KCTD8: variants seen among roughly 807,000 people sequenced by gnomAD.
KCTD8 encodes potassium channel tetramerization domain containing 8, also known as BTB/POZ domain-containing protein KCTD8.
KCTD8 carries 27 observed loss-of-function variants against 31.5 expected under a neutral mutation model. That is an observed-to-expected ratio of 0.86 (90% CI 0.63 to 1.18). The LOEUF (loss-of-function observed/expected upper bound fraction) is 1.18. KCTD8 is among the 50% of genes most tolerant of loss of function. KCTD8 has a pLI of 0.00. For synonymous variants in KCTD8, 290 were observed against 280.0 expected, an observed-to-expected ratio of 1.04 and a Z score of -0.36; for missense variants, 658 against 647.7, an observed-to-expected ratio of 1.02 and a Z score of -0.17.
At chr4:44,427,117 G>T (rs1721368184) in intron 1 of KCTD8, among the ~76,000 whole-genome samples, 1 of 151,374 alleles carries the variant, frequency 6.6e-6, no homozygotes, top group Non-Finnish European at 1.5e-5. Flanking sequence ...GATTACAAAA[G>T]AAGTGCATTC....
intron 1 of KCTD8, among the ~76,000 whole-genome samples, chr4:44,399,916 A>G (rs1720602914): frequency 6.6e-6 from 1 of 152,320 alleles, no homozygotes; most frequent in Non-Finnish European, 1.5e-5. Context: ...AGCCAAATCT[A>G]TCACATTTTC....
intron 1 of KCTD8, among the ~76,000 whole-genome samples, chr4:44,348,335 C>T (rs1719087725): frequency 6.6e-6 from 1 of 152,062 alleles, no homozygotes; most frequent in East Asian, 1.9e-4. Flanking sequence ...TAACATCGAT[C>T]TGAAAGTCCA....
intron 1 of KCTD8, among the ~76,000 whole-genome samples, chr4:44,271,814 G>C (rs950921375): frequency 6.6e-6 from 1 of 152,000 alleles, no homozygotes; most frequent in African/African-American, 2.4e-5. Flanking sequence ...GTTTATCACT[G>C]GCTTGCTGTC....
At chr4:44,200,701 T>C (rs944624191) in intron 1 of KCTD8, among the ~76,000 whole-genome samples, 1 of 152,038 alleles carries the variant, frequency 6.6e-6, no homozygotes, top group African/African-American at 2.4e-5. Flanking sequence ...ATGAACATCA[T>C]ACTGAACAGG....
intron 1 of KCTD8, among the ~76,000 whole-genome samples, chr4:44,388,010 AT>A (rs1720266690): frequency 8.3e-6 from 1 of 119,922 alleles, no homozygotes; most frequent in East Asian, 2.3e-4. Flanking sequence ...ACTTAAACAA[AT>A]TTACAAAAAA....
At chr4:44,252,673 T>C (rs912066981) in intron 1 of KCTD8, among the ~76,000 whole-genome samples, 3 of 151,814 alleles carry the variant, frequency 2.0e-5, no homozygotes, top group African/African-American at 7.2e-5. Context: ...TAAACTATTC[T>C]TTCTTTCCTG....
chr4:44,402,503 G>A (rs200949068), intron 1 of KCTD8, among the ~76,000 whole-genome samples: 36 of 152,150 alleles, frequency 2.4e-4, no homozygotes, highest in South Asian at 2.1e-4. Context: ...ACAAGTCTAC[G>A]GTAGTGCCCC....
intron 1 of KCTD8, among the ~76,000 whole-genome samples, chr4:44,262,704 C>T (rs998772777): frequency 2.6e-5 from 4 of 151,938 alleles, no homozygotes; most frequent in Non-Finnish European, 4.4e-5. Context: ...AATTAATTTC[C>T]AAAATGGTTA....
chr4:44,447,599 TGTC>T lies in KCTD8; in HGVS notation c.922_924del (p.Asp308del). On this transcript the variant is annotated inframe_deletion, in exon 1 of 2. Transcript: ENST00000360029. ...TACTCGGTGTAGCTGCTCCAGATCT[TGTC>T]GTCGCGGTACTGGTTGACGAAGGCG... 6.3e-7 allele frequency: 1 copy of T among 1,599,902 alleles called. No individual in the cohort carries two copies.
At chr4:44,436,508 GAAAT>G (rs938601404) in intron 1 of KCTD8, among the ~76,000 whole-genome samples, 1 of 152,018 alleles carries the variant, frequency 6.6e-6, no homozygotes, top group African/African-American at 2.4e-5. Context: ...GACAAACTTA[GAAAT>G]ATGATTATGA....
intron 1 of KCTD8, among the ~76,000 whole-genome samples, chr4:44,388,410 T>G (rs1560442498): frequency 6.6e-6 from 1 of 151,970 alleles, no homozygotes; most frequent in Non-Finnish European, 1.5e-5. Context: ...CACACGTATG[T>G]TCACTGCAGT....
chr4:44,432,936 ACTCTT>A (rs1427069376), intron 1 of KCTD8, among the ~76,000 whole-genome samples: 1 of 150,926 alleles, frequency 6.6e-6, no homozygotes, highest in Non-Finnish European at 1.5e-5. Flanking sequence ...TTCCATAACC[ACTCTT>A]CTCTTCTGTT....
rs534049241 is a variant in KCTD8 at position 44,374,909 on chromosome 4, G to C, written c.961+72654C>G. ...GTGAGAATTGCCAAAATGTGACACAGAGACATGAAGTGAGCGCATGCTGTC... is the reference window on the plus strand; with the variant it reads ...GTGAGAATTGCCAAAATGTGACACACAGACATGAAGTGAGCGCATGCTGTC... On this transcript the variant is annotated intron_variant, in intron 1 of 1. Coordinates refer to ENST00000360029, the MANE Select transcript of KCTD8 (RefSeq NM_198353.3). Among the ~76,000 whole-genome samples the C allele has an allele frequency of 2.6e-5, 4 of 152,262 alleles. No homozygotes were observed. In the South Asian group the frequency reaches 6.2e-4, roughly 24 times the overall value.
chr4:44,443,376 G>A (rs1721860409), intron 1 of KCTD8, among the ~76,000 whole-genome samples: 2 of 152,204 alleles, frequency 1.3e-5, no homozygotes, highest in Non-Finnish European at 2.9e-5. Flanking sequence ...TTTTAAAGAT[G>A]TGTCTTAGAA....
At chr4:44,269,525 C>A (rs113328158) in intron 1 of KCTD8, among the ~76,000 whole-genome samples, 18 of 149,520 alleles carry the variant, frequency 1.2e-4, no homozygotes, top group South Asian at 2.1e-4. Context: ...GCAACAAAAG[C>A]CAAAATTGAC....
chr4:44,420,885 T>C lies in KCTD8; in HGVS notation c.961+26678A>G, dbSNP rs1721192644. 2.6e-5 allele frequency among the ~76,000 whole-genome samples: 4 copies of C among 151,974 alleles called. No individual in the cohort carries two copies. The South Asian group carries it at 8.3e-4, about 32-fold the overall frequency. On this transcript the variant is annotated intron_variant, in intron 1 of 1. Coordinates refer to ENST00000360029, the MANE Select transcript of KCTD8 (RefSeq NM_198353.3). Reference sequence around the variant, plus strand: ...TCAGAAAATAAAGACTCGAACGAAGTTAAATTAAATAGTTTAAAATAGAGT... The same window carrying C: ...TCAGAAAATAAAGACTCGAACGAAGCTAAATTAAATAGTTTAAAATAGAGT...
In KCTD8 at chr4:44,391,606, A is replaced by G. The variant is rs539145650; in HGVS notation, c.961+55957T>C. Among the ~76,000 whole-genome samples, 13 of 151,654 alleles carry G rather than the reference A, an allele frequency of 8.6e-5. No individual in the cohort carries two copies. In the East Asian group the frequency reaches 2.3e-3, roughly 27 times the overall value. ...ATATAACATATATAATATATATAAA[A>G]TACATATAACATAAAAACTATGTGT... On this transcript the variant is annotated intron_variant, in intron 1 of 1. Coordinates refer to ENST00000360029, the MANE Select transcript of KCTD8 (RefSeq NM_198353.3).
intron 1 of KCTD8, among the ~76,000 whole-genome samples, chr4:44,240,180 T>C (rs967282894): frequency 1.3e-5 from 2 of 152,230 alleles, no homozygotes; most frequent in African/African-American, 4.8e-5. Flanking sequence ...GAAATTGAGA[T>C]ACAACTATTG....
intron 1 of KCTD8, among the ~76,000 whole-genome samples, chr4:44,336,144 C>T (rs1196407173): frequency 1.0e-5 from 1 of 97,162 alleles, no homozygotes; most frequent in South Asian, 3.6e-4. Context: ...AGCGAGACTC[C>T]GTCTCAAAAA....
Sources: gnomAD v4.1 joint callset for allele counts (sites outside exome capture counted in the v4.1 genomes callset) on GRCh38, gnomAD v4.1.1 for gene constraint, MANE v1.5 for transcripts, NCBI Gene and HGNC (gene_info 2026-07-23, HGNC 2026-07-21) for gene names.